Variants in ANAPC10 observed in about 807,000 individuals in gnomAD.
ANAPC10 encodes the protein anaphase promoting complex subunit 10, also known as anaphase-promoting complex subunit 10.
Under a neutral mutation model 22.0 loss-of-function variants are expected in ANAPC10, and 12 were observed. The ratio of observed to expected loss-of-function variants is 0.55; its 90% CI spans 0.35 to 0.88. The LOEUF is 0.88. ANAPC10 is among the 40% of genes least tolerant of loss of function. The pLI, the probability that ANAPC10 is intolerant of heterozygous loss-of-function variation, is 0.01. For synonymous variants in ANAPC10, 65 were observed against 69.5 expected, an observed-to-expected ratio of 0.94 and a Z score of 0.32; for missense variants, 188 against 220.9, an observed-to-expected ratio of 0.85 and a Z score of 0.94.
At chr4:145,042,458 A>G (rs1739648043) in intron 4 of ANAPC10, among the ~76,000 whole-genome samples, 1 of 152,186 alleles carries the variant, frequency 6.6e-6, no homozygotes. Context: ...AAGGGCAAAC[A>G]TCAATATTTA....
intron 4 of ANAPC10, among the ~76,000 whole-genome samples, chr4:144,996,619 A>G (rs1270710023): frequency 2.0e-5 from 3 of 152,134 alleles, no homozygotes; most frequent in Non-Finnish European, 2.9e-5. Context: ...TAAAACCACA[A>G]AGATGGGGAG....
At chr4:145,070,490 A>G (rs1044909449) in intron 3 of ANAPC10, among the ~76,000 whole-genome samples, 1 of 152,348 alleles carries the variant, frequency 6.6e-6, no homozygotes, top group South Asian at 2.1e-4. Context: ...TAGGATGACT[A>G]TTATCAAATG....
At chr4:145,069,044 T>C (rs970617925) in intron 3 of ANAPC10, among the ~76,000 whole-genome samples, 1 of 152,238 alleles carries the variant, frequency 6.6e-6, no homozygotes, top group Admixed American at 6.5e-5. Flanking sequence ...TTTCAGCAGA[T>C]ACGGTCTTAA....
chr4:145,039,285 C>T (rs1049405562), intron 4 of ANAPC10, among the ~76,000 whole-genome samples: 12 of 152,196 alleles, frequency 7.9e-5, no homozygotes, highest in African/African-American at 2.7e-4. Context: ...GCAAGGTTAT[C>T]GCAATCCTAT....
At chr4:145,097,365 C>G (rs1477007688) in intron 1 of ANAPC10, 1 of 640,682 alleles carries the variant, frequency 1.6e-6, no homozygotes, top group African/African-American at 1.9e-5. Context: ...TTTACTAAGT[C>G]TATTCATATG....
chr4:145,000,651 A>T (rs1051853243), intron 4 of ANAPC10, among the ~76,000 whole-genome samples: 23 of 152,218 alleles, frequency 1.5e-4, no homozygotes, highest in African/African-American at 5.1e-4. Flanking sequence ...GACTGCTCAG[A>T]GATCTAGAAC....
chr4:145,049,380 G>C (rs987124919), intron 4 of ANAPC10, among the ~76,000 whole-genome samples: 1 of 152,152 alleles, frequency 6.6e-6, no homozygotes, highest in African/African-American at 2.4e-5. Flanking sequence ...GACAGTAGAA[G>C]TTCTTTTAAA....
intron 4 of ANAPC10, chr4:145,035,034 A>G (rs1300344117): frequency 6.6e-6 from 1 of 152,386 alleles, no homozygotes; most frequent in Non-Finnish European, 1.5e-5. Context: ...TAATGTGTCA[A>G]CTCAAGCTAG....
chr4:145,026,861 AAGAACAAGAAGAAG>A (rs1356214737), intron 4 of ANAPC10, among the ~76,000 whole-genome samples: 1 of 143,476 alleles, frequency 7.0e-6, no homozygotes, highest in African/African-American at 2.6e-5. Context: ...AAAATGGTCA[AAGAACAAGAAGAAG>A]TCTTAGAAAT....
chr4:145,047,562 A>G (rs571535879), intron 4 of ANAPC10, among the ~76,000 whole-genome samples: 1 of 152,238 alleles, frequency 6.6e-6, no homozygotes, highest in Admixed American at 6.5e-5. Flanking sequence ...CTCTCAACAC[A>G]AGGCAAATCT....
At chr4:145,018,307 A>G (rs1019976198) in intron 4 of ANAPC10, among the ~76,000 whole-genome samples, 3 of 152,074 alleles carry the variant, frequency 2.0e-5, no homozygotes, top group African/African-American at 7.2e-5. Context: ...TAAATGCTCC[A>G]TTTAAAAGAT....
intron 4 of ANAPC10, among the ~76,000 whole-genome samples, chr4:145,013,326 T>C (rs952472892): frequency 6.6e-6 from 1 of 151,974 alleles, no homozygotes; most frequent in Non-Finnish European, 1.5e-5. Context: ...TCCAGCAATA[T>C]ATAAAAAGGA....
chr4:145,080,564 C>T (rs748983418), intron 3 of ANAPC10, among the ~76,000 whole-genome samples: 1 of 152,120 alleles, frequency 6.6e-6, no homozygotes, highest in Middle Eastern at 3.2e-3. Context: ...GATTTGTACT[C>T]TAGGACAATA....
At chr4:145,067,030 G>A (rs747860418) in intron 3 of ANAPC10, among the ~76,000 whole-genome samples, 4 of 141,678 alleles carry the variant, frequency 2.8e-5, no homozygotes, top group Non-Finnish European at 4.9e-5. Context: ...CACAGAAATC[G>A]TACGTATAAT....
intron 1 of ANAPC10, among the ~76,000 whole-genome samples, chr4:145,096,675 T>C (rs1208845210): frequency 1.3e-5 from 2 of 152,210 alleles, no homozygotes; most frequent in Non-Finnish European, 1.5e-5. Flanking sequence ...GAAATACTTT[T>C]ATTCTAGGAA....
At chr4:145,002,685 A>G (rs538763325) in intron 4 of ANAPC10, among the ~76,000 whole-genome samples, 1 of 152,310 alleles carries the variant, frequency 6.6e-6, no homozygotes, top group African/African-American at 2.4e-5. Flanking sequence ...CCAAGATAGT[A>G]AACACATTTT....
chr4:145,026,837 G>T (rs1016661584), intron 4 of ANAPC10, among the ~76,000 whole-genome samples: 2 of 146,134 alleles, frequency 1.4e-5, no homozygotes, highest in African/African-American at 5.0e-5. Flanking sequence ...AACAAGAACA[G>T]AATGTTAATT....
chr4:145,095,002 A>G (rs547835494), intron 2 of ANAPC10, among the ~76,000 whole-genome samples: 1 of 152,328 alleles, frequency 6.6e-6, no homozygotes, highest in African/African-American at 2.4e-5. Context: ...AAATAAATGA[A>G]TAACAACTGA....
intron 4 of ANAPC10, among the ~76,000 whole-genome samples, chr4:145,046,463 A>T (rs1441734027): frequency 2.0e-5 from 3 of 152,132 alleles, no homozygotes; most frequent in Non-Finnish European, 4.4e-5. Context: ...AGAGAACAAA[A>T]TCAAAGGAAG....
Sources: allele counts gnomAD v4.1 joint callset (sites outside exome capture counted in the v4.1 genomes callset), GRCh38; gene constraint gnomAD v4.1.1; transcripts MANE v1.5; gene names NCBI Gene and HGNC (gene_info 2026-07-23, HGNC 2026-07-21).